COPG2: variants seen among roughly 807,000 people sequenced by gnomAD.
COPG2 encodes coat protein complex I subunit gamma 2.
A neutral mutation model predicts 46.3 loss-of-function variants in COPG2; 37 were observed. That is an observed-to-expected ratio of 0.80 (90% CI 0.61 to 1.05). The LOEUF is 1.05. COPG2 is among the 50% of genes least tolerant of loss of function. The pLI is 0.00. For missense variants in COPG2, 427 were observed against 387.8 expected, an observed-to-expected ratio of 1.10 and a Z score of -0.85; for synonymous variants, 159 against 129.7, an observed-to-expected ratio of 1.23 and a Z score of -1.53.
intron 20 of COPG2, among the ~76,000 whole-genome samples, chr7:130,526,857 G>C (rs1799779280): frequency 7.0e-6 from 1 of 142,536 alleles, no homozygotes; most frequent in African/African-American, 2.6e-5. Context: ...GGTGGGATTT[G>C]GGATTGGGTT....
intron 9 of COPG2, among the ~76,000 whole-genome samples, chr7:130,577,766 T>G (rs1554446468): frequency 2.4e-5 from 2 of 82,136 alleles, no homozygotes. Context: ...AGACTCCGTC[T>G]CAAAAAAAAA....
Position 130,554,604 on chromosome 7 carries a change from T to C in COPG2, c.1345A>G (p.Thr449Ala). ...LCEFIEDCEHTVLATKILHLL... is the reference protein window; with the variant it reads ...LCEFIEDCEHAVLATKILHLL... ...TGTAGAATCTTAGTAGCCAGAACAG[T>C]GTGTTCACAGTCCTCAATGAATTCA... is the stretch of plus-strand genomic sequence containing the variant. Residue 449 changes from threonine to alanine, a missense_variant, in exon 14 of 24, where the codon ACT becomes GCT. By Grantham distance (58) the Thr-to-Ala change is moderately conservative. Transcript: ENST00000425248. 2.5e-6 allele frequency: 1 copy of C among 398,480 alleles called. No homozygotes were observed. 24.7% of individuals were successfully genotyped at this position (398,480 alleles called of 1,614,324 possible).
intron 5 of COPG2, among the ~76,000 whole-genome samples, chr7:130,652,481 G>A (rs930113802): frequency 1.3e-5 from 2 of 152,058 alleles, no homozygotes; most frequent in East Asian, 1.9e-4. Context: ...ATCTAAAGAC[G>A]TTTAGATCCT....
Position 130,668,692 on chromosome 7 carries a change from G to C in COPG2, c.-24C>G, listed in dbSNP as rs565828995. On this transcript the variant is annotated 5_prime_UTR_variant, in exon 1 of 24. Transcript: ENST00000425248. ...ATCTTGGACGACTTCCCAGCGCCCA[G>C]ACCCACCGCAACCGTCCCAGGCGCC... 1 of 1,525,790 alleles carries C rather than the reference G, an allele frequency of 6.6e-7. No individual in the cohort carries two copies. The highest frequency in any genetic ancestry group is 8.8e-7 in the Non-Finnish European group (1 of 1,137,582). The allele number at this position is 1,525,790 out of a possible 1,614,324, so 94.5% of individuals were successfully genotyped here.
chr7:130,655,708 G>A (rs1554459811), intron 4 of COPG2, among the ~76,000 whole-genome samples: 1 of 151,944 alleles, frequency 6.6e-6, no homozygotes, highest in Non-Finnish European at 1.5e-5. Flanking sequence ...TCTGTTTCTG[G>A]GCCATGATCT....
intron 5 of COPG2, among the ~76,000 whole-genome samples, chr7:130,644,180 G>A (rs529197169): frequency 4.6e-5 from 7 of 152,216 alleles, no homozygotes; most frequent in Admixed American, 2.0e-4. Context: ...TTGGACTCAC[G>A]TCAATCTAAT....
chr7:130,632,162 C>A (rs1795246168), intron 5 of COPG2, among the ~76,000 whole-genome samples: 1 of 152,080 alleles, frequency 6.6e-6, no homozygotes, highest in South Asian at 2.1e-4. Context: ...GTGACAAATA[C>A]CTTTTAGTTT....
chr7:130,529,025 A>C (rs1484066925), intron 20 of COPG2, among the ~76,000 whole-genome samples: 2 of 152,216 alleles, frequency 1.3e-5, no homozygotes, highest in Admixed American at 6.5e-5. Context: ...TGGGCACCAC[A>C]GTGTCAATGA....
rs782645964 is a variant in COPG2 at position 130,668,614 on chromosome 7, C to A, written c.37+18G>T. 9 of 1,523,322 alleles carry A rather than the reference C, an allele frequency of 5.9e-6. No individual in the cohort carries two copies. Among genetic ancestry groups the A allele is most frequent in the African/African-American group, 2.9e-5 (2 of 69,010 alleles). 94.4% of individuals were successfully genotyped at this position (1,523,322 alleles called of 1,614,324 possible). A position where few individuals can be genotyped will look rare whatever the true frequency, so the allele number is the denominator to read the frequency against. On this transcript the variant is annotated intron_variant, in intron 1 of 23. Transcript: ENST00000425248. ...GCGTCCCGCGGCTGAGGGTGGGCCT[C>A]GGAAGCCCCGCGCGTACCAGACTCC... is the stretch of plus-strand genomic sequence containing the variant.
intron 1 of COPG2, among the ~76,000 whole-genome samples, chr7:130,667,963 A>G (rs1372877796): frequency 2.0e-5 from 3 of 152,176 alleles, no homozygotes; most frequent in Admixed American, 6.5e-5. Flanking sequence ...GAGGCCATGG[A>G]GGTTGACTAA....
At chr7:130,594,284 C>T (rs1165109460) in intron 9 of COPG2, among the ~76,000 whole-genome samples, 11 of 152,038 alleles carry the variant, frequency 7.2e-5, no homozygotes, top group Admixed American at 6.6e-4. Context: ...TTTCATGAAA[C>T]GGTGCTGAGA....
chr7:130,550,325 C>T (rs1252757943), intron 17 of COPG2, among the ~76,000 whole-genome samples, 199 bp downstream of exon 17: 9 of 145,238 alleles, frequency 6.2e-5, no homozygotes, highest in South Asian at 2.2e-4. Context: ...GAAGGAGACT[C>T]GCTTGAACCC....
Position 130,667,479 on chromosome 7 carries a change from T to TA in COPG2, c.90+2dup. ...AAGGGCACAAGATACTTCCCAGTCA[T>TA]ACCTCCTGTAAAACAGCACTCTTCT... On this transcript the variant is annotated splice_region_variant and intron_variant, in intron 2 of 23. Transcript: ENST00000425248. The TA allele has an allele frequency of 6.2e-7, 1 of 1,612,686 alleles. No individual in the cohort carries two copies. Among genetic ancestry groups the TA allele is most frequent in the Non-Finnish European group, 8.5e-7 (1 of 1,178,834 alleles).
chr7:130,626,438 A>T (rs1795121492), intron 5 of COPG2, among the ~76,000 whole-genome samples: 1 of 143,886 alleles, frequency 6.9e-6, no homozygotes, highest in South Asian at 2.2e-4. Context: ...TTTAGTAGAG[A>T]CAGGATTTCA....
In COPG2 at chr7:130,602,587, T is replaced by C. The variant is rs545235776; in HGVS notation, c.737+8366A>G. On this transcript the variant is annotated intron_variant, in intron 9 of 23. Coordinates refer to ENST00000425248, the MANE Select transcript of COPG2 (RefSeq NM_012133.6). ...TCCTGGGTTCAAGCAATTCTCCTGC[T>C]CAGCCTCCTGAATAGCTGGGATTAC... is the stretch of plus-strand genomic sequence containing the variant. Among the ~76,000 whole-genome samples the C allele has an allele frequency of 2.0e-4, 30 of 152,258 alleles. 1 individual carries two copies. The highest frequency in any genetic ancestry group is 6.7e-4 in the African/African-American group (28 of 41,560).
intron 5 of COPG2, among the ~76,000 whole-genome samples, chr7:130,629,813 T>C (rs1340543729): frequency 6.6e-6 from 1 of 152,146 alleles, no homozygotes; most frequent in Non-Finnish European, 1.5e-5. Context: ...TATCTTCAGG[T>C]ACATTTATTC....
chr7:130,541,060 G>A (rs1799930976), intron 20 of COPG2, among the ~76,000 whole-genome samples: 1 of 152,216 alleles, frequency 6.6e-6, no homozygotes, highest in East Asian at 1.9e-4. Context: ...GCAGACACGT[G>A]GAGTGTGAGG....
intron 9 of COPG2, among the ~76,000 whole-genome samples, chr7:130,601,284 A>G (rs906225227): frequency 2.6e-5 from 4 of 152,166 alleles, no homozygotes; most frequent in African/African-American, 9.7e-5. Context: ...AACCAGAAAT[A>G]CCATTTGACC....
intron 19 of COPG2, 39 bp downstream of exon 19, chr7:130,548,364 T>C (rs1043881770): frequency 7.5e-6 from 3 of 398,366 alleles, no homozygotes; most frequent in Admixed American, 4.4e-5. Flanking sequence ...CATACCAGTT[T>C]ATACTAAATC....
Sources: gnomAD v4.1 joint callset for allele counts (sites outside exome capture counted in the v4.1 genomes callset) on GRCh38, gnomAD v4.1.1 for gene constraint, MANE v1.5 for transcripts, NCBI Gene and HGNC (gene_info 2026-07-23, HGNC 2026-07-21) for gene names.